Variants in FNIP2 observed in about 807,000 individuals in gnomAD.
FNIP2 encodes folliculin interacting protein 2.
Under a neutral mutation model 108.7 loss-of-function variants are expected in FNIP2, and 32 were observed. That is an observed-to-expected ratio of 0.29 (90% CI 0.22 to 0.40). FNIP2 has a LOEUF of 0.40. FNIP2 is among the 10% of genes least tolerant of loss of function. The pLI, the probability that FNIP2 is intolerant of heterozygous loss-of-function variation, is 1.00. For synonymous variants in FNIP2, 480 were observed against 496.7 expected, an observed-to-expected ratio of 0.97 and a Z score of 0.45; for missense variants, 1,202 against 1,381.6, an observed-to-expected ratio of 0.87 and a Z score of 2.06.
At chr4:158,825,790 C>A in intron 1 of FNIP2, 126 bp from the exon 2 acceptor site, 1 of 1,154,712 alleles carries the variant, frequency 8.7e-7, no homozygotes, top group Non-Finnish European at 1.2e-6. Flanking sequence ...CTGAGGGGAT[C>A]ACTAGCCCTG....
At chr4:158,837,163 G>C (rs1451143355) in intron 7 of FNIP2, among the ~76,000 whole-genome samples, 1 of 152,200 alleles carries the variant, frequency 6.6e-6, no homozygotes, top group African/African-American at 2.4e-5. Flanking sequence ...GAAGATGTAT[G>C]TGGGCCTTAC....
chr4:158,868,374 C>A lies in FNIP2; in HGVS notation c.1738C>A (p.Pro580Thr). The A allele has an allele frequency of 6.2e-7, 1 of 1,613,916 alleles. No homozygotes were observed. The highest frequency in any genetic ancestry group is 8.5e-7 in the Non-Finnish European group (1 of 1,179,876). ...GGTGAGGAACGAGCCCGCTCTTGTACCCCCCATCCTACCACCAACAGCAGC... is the reference window on the plus strand; with the variant it reads ...GGTGAGGAACGAGCCCGCTCTTGTAACCCCCATCCTACCACCAACAGCAGC... ...ITVRNEPALV[P>T]PILPPTAAER... The change falls in exon 13 of 17, where the codon CCC (proline) becomes ACC (threonine). Residue 580 changes from proline (P) to threonine (T), a missense_variant. Physicochemically the swap from Pro to Thr is conservative, Grantham distance 38 (BLOSUM62 -1). Coordinates refer to ENST00000264433, the MANE Select transcript of FNIP2 (RefSeq NM_020840.3). This position sits in a 1 kb window ranked among gnomAD's most constrained non-coding sequence, Gnocchi z 4.6.
rs1163501854 is a variant in FNIP2, at chr4:158,868,628, A to G, written c.1992A>G (p.Arg664=). ...AGGCACCGCAAGATGGCTCTTCAAG[A>G]CTTCCCAGCTGTGAAGTTTTGGGGG... The part of the protein sequence containing the change: ...NKEAPQDGSS[R]LPSCEVLGAG... The change falls in exon 13 of 17, where the codon AGA becomes AGG. Residue 664 remains arginine (R), a synonymous_variant. Coordinates refer to ENST00000264433, the MANE Select transcript of FNIP2 (RefSeq NM_020840.3). The surrounding 1 kb of genome is among the most constrained non-coding windows in gnomAD (Gnocchi z 4.6). 6.2e-7 allele frequency: 1 copy of G among 1,613,762 alleles called. No homozygotes were observed. Among genetic ancestry groups the G allele is most frequent in the East Asian group, 2.2e-5 (1 of 44,884 alleles).
intron 14 of FNIP2, among the ~76,000 whole-genome samples, chr4:158,875,515 G>GATATATATATAT (rs56389652): frequency 0.019 from 2,084 of 111,808 alleles, 112 homozygotes; most frequent in African/African-American, 0.029. Context: ...GCCTGGCTGT[G>GATATATATATAT]ATATATATAT....
intron 1 of FNIP2, among the ~76,000 whole-genome samples, chr4:158,800,532 A>C (rs1249222956): frequency 6.6e-6 from 1 of 152,234 alleles, no homozygotes; most frequent in African/African-American, 2.4e-5. Context: ...ATTACAGATT[A>C]AGGAAATCAA....
chr4:158,789,253 A>C (rs1776322766), intron 1 of FNIP2, among the ~76,000 whole-genome samples: 1 of 152,198 alleles, frequency 6.6e-6, no homozygotes, highest in Non-Finnish European at 1.5e-5. Flanking sequence ...AGCTACTTTC[A>C]CAGCTGAGCT....
intron 1 of FNIP2, among the ~76,000 whole-genome samples, chr4:158,824,043 C>T (rs1376560181): frequency 6.6e-6 from 1 of 152,164 alleles, no homozygotes; most frequent in Non-Finnish European, 1.5e-5. Context: ...AACAAATCTG[C>T]TACCCAAAAA....
At chr4:158,796,982 C>T (rs1039778395) in intron 1 of FNIP2, among the ~76,000 whole-genome samples, 3 of 152,182 alleles carry the variant, frequency 2.0e-5, no homozygotes, top group Non-Finnish European at 4.4e-5. Flanking sequence ...TCATGAGGAA[C>T]TGACTCAGAG....
intron 15 of FNIP2, chr4:158,893,670 C>T: frequency 6.3e-7 from 1 of 1,579,794 alleles, no homozygotes; most frequent in Non-Finnish European, 8.6e-7. Flanking sequence ...GTTTCTCCTT[C>T]TAAAAGCAGG....
At chr4:158,775,036 C>G (rs1578810128) in intron 1 of FNIP2, among the ~76,000 whole-genome samples, 1 of 152,094 alleles carries the variant, frequency 6.6e-6, no homozygotes, top group Non-Finnish European at 1.5e-5. Context: ...TTGTGTTTCT[C>G]GTGGTTTGCC....
chr4:158,878,851 A>G (rs1781426308), intron 14 of FNIP2, among the ~76,000 whole-genome samples: 1 of 151,956 alleles, frequency 6.6e-6, no homozygotes, highest in African/African-American at 2.4e-5. Flanking sequence ...ATAAATGATC[A>G]TTTAGATTCA....
rs1286578947 is a variant in FNIP2 at position 158,868,900 on chromosome 4, C to G, written c.2264C>G (p.Ala755Gly). ...CGPSLEASEA[A>G]DVAQDPQVSR... ...CCCTCCTTGGAGGCCAGTGAGGCTG[C>G]TGATGTGGCTCAGGACCCGCAGGTT... Residue 755 changes from alanine to glycine, a missense_variant, in exon 13 of 17, where the codon GCT becomes GGT. By Grantham distance (60) the Ala-to-Gly change is moderately conservative (BLOSUM62 0). Around this residue, in one of 5 missense-constraint regions of FNIP2, gnomAD observed 878 missense variants for 990.3 expected, o/e 0.89. Coordinates refer to ENST00000264433, the MANE Select transcript of FNIP2 (RefSeq NM_020840.3). The surrounding 1 kb of genome is among the most constrained non-coding windows in gnomAD (Gnocchi z 4.6). 3.7e-6 allele frequency: 6 copies of G among 1,613,876 alleles called. No individual in the cohort carries two copies. Among genetic ancestry groups the G allele is most frequent in the Non-Finnish European group, 5.1e-6 (6 of 1,179,898 alleles).
At chr4:158,891,714 T>TA in intron 15 of FNIP2, 68 bp downstream of exon 15, 1 of 1,387,322 alleles carries the variant, frequency 7.2e-7, no homozygotes, top group Non-Finnish European at 9.9e-7. Context: ...ATTTTGATTA[T>TA]AAAATCACAA....
At chr4:158,872,662 A>C in intron 14 of FNIP2, 1 of 984,924 alleles carries the variant, frequency 1.0e-6, no homozygotes, top group Non-Finnish European at 1.2e-6. Context: ...ATTTCACTTG[A>C]CACATTCATC....
At chr4:158,833,876 C>A in intron 6 of FNIP2, 1 of 1,439,920 alleles carries the variant, frequency 6.9e-7, no homozygotes, top group Non-Finnish European at 9.2e-7. Context: ...ACCCGGAGTG[C>A]TTCTTTCTTT....
intron 1 of FNIP2, among the ~76,000 whole-genome samples, chr4:158,793,670 G>C (rs1776493165): frequency 6.6e-6 from 1 of 152,180 alleles, no homozygotes; most frequent in Non-Finnish European, 1.5e-5. Context: ...TTATGGTTTG[G>C]TAAATAGAGG....
In FNIP2 at chr4:158,861,910, T is replaced by C. The variant is rs562457520; in HGVS notation, c.1465+134T>C. 53 of 1,068,138 alleles carry C rather than the reference T, an allele frequency of 5.0e-5. No homozygotes were observed. In the African/African-American group the frequency reaches 5.2e-4, roughly 10 times the overall value. 66.2% of individuals were successfully genotyped at this position (1,068,138 alleles called of 1,614,324 possible). ...TTTGGGCAGATGAGGAATAGGAAGT[T>C]GGTCCCTGGATTCTAATTGTAGACC... On this transcript the variant is annotated intron_variant, in intron 12 of 16. Coordinates refer to ENST00000264433, the MANE Select transcript of FNIP2 (RefSeq NM_020840.3).
rs774820823 is a variant in FNIP2 at position 158,861,749 on chromosome 4, C to T, written c.1438C>T (p.Pro480Ser). The T allele has an allele frequency of 1.4e-5, 23 of 1,613,984 alleles. No individual in the cohort carries two copies. The South Asian group carries it at 2.5e-4, about 18-fold the overall frequency. ...AGTGAACATGCTGGCCAAAACACAT[C>T]CGTATAATCCTCTTTGGGCACAGCT... ...QSVNMLAKTH[P>S]YNPLWAQLGD... Residue 480 changes from proline to serine, a missense_variant, in exon 12 of 17, where the codon CCG becomes TCG. Pro to Ser is a moderately conservative substitution (Grantham distance 74, BLOSUM62 -1). Around this residue, in one of 5 missense-constraint regions of FNIP2, gnomAD observed 878 missense variants for 990.3 expected, o/e 0.89. Transcript: ENST00000264433.
intron 1 of FNIP2, among the ~76,000 whole-genome samples, chr4:158,791,331 T>G (rs1411040945): frequency 7.3e-6 from 1 of 137,526 alleles, no homozygotes; most frequent in African/African-American, 2.7e-5. Context: ...TCACCCAGGC[T>G]GGAGTGCAAT....
Sources: allele counts gnomAD v4.1 joint callset (sites outside exome capture counted in the v4.1 genomes callset), GRCh38; gene constraint gnomAD v4.1.1; regional missense constraint gnomAD v4.1.1; non-coding constraint Gnocchi (gnomAD v3.1); transcripts MANE v1.5; gene names NCBI Gene and HGNC (gene_info 2026-07-23, HGNC 2026-07-21).